RTEL1: variants seen among roughly 807,000 people sequenced by gnomAD.
RTEL1 encodes the protein regulator of telomere elongation helicase 1, also known as regulator of telomere length.
A neutral mutation model predicts 162.2 loss-of-function variants in RTEL1; 86 were observed. The ratio of observed to expected loss-of-function variants is 0.53; its 90% CI spans 0.45 to 0.63. The LOEUF (loss-of-function observed/expected upper bound fraction) is 0.63. RTEL1 is among the 30% of genes least tolerant of loss of function. RTEL1 has a pLI of 0.00. For synonymous variants in RTEL1, 958 were observed against 717.9 expected, an observed-to-expected ratio of 1.33 and a Z score of -5.35; for missense variants, 1,941 against 1,750.2, an observed-to-expected ratio of 1.11 and a Z score of -1.95.
chr20:63,672,710 C>G, intron 9 of RTEL1, 89 bp downstream of exon 9: 1 of 1,124,458 alleles, frequency 8.9e-7, no homozygotes, highest in Non-Finnish European at 1.3e-6. Flanking sequence ...GGGCTCTGGC[C>G]AAACTCCTGA....
intron 28 of RTEL1, 79 bp from the exon 29 acceptor site, chr20:63,692,726 G>C: frequency 7.1e-7 from 1 of 1,406,820 alleles, no homozygotes; most frequent in South Asian, 1.2e-5. Context: ...AACGCTCAAT[G>C]TTCCAAGGAA....
At chr20:63,691,912 C>A in intron 28 of RTEL1, 75 bp downstream of exon 28, 1 of 1,217,826 alleles carries the variant, frequency 8.2e-7, no homozygotes, top group Non-Finnish European at 1.2e-6. Context: ...TGCCCCCAGC[C>A]ACGGCTGGTC....
intron 6 of RTEL1, among the ~76,000 whole-genome samples, chr20:63,663,189 G>T (rs569120113): frequency 6.6e-6 from 1 of 152,346 alleles, no homozygotes; most frequent in Non-Finnish European, 1.5e-5. Flanking sequence ...TAACCTGCTG[G>T]TGCAAACAGT....
At chr20:63,673,792 A>G in intron 9 of RTEL1, 148 bp from the exon 10 acceptor site, 1 of 808,640 alleles carries the variant, frequency 1.2e-6, no homozygotes, top group South Asian at 1.7e-5. Context: ...GTTTGGACCT[A>G]CTTGTGGCCT....
chr20:63,685,544 T>G lies in RTEL1; in HGVS notation c.1213T>G (p.Ser405Ala), dbSNP rs1369065305. 1.2e-6 allele frequency: 2 copies of G among 1,612,392 alleles called. No individual in the cohort carries two copies. Among genetic ancestry groups the G allele is most frequent in the Non-Finnish European group, 1.7e-6 (2 of 1,179,886 alleles). Residue 405 changes from serine (S) to alanine (A), a missense_variant, in exon 15 of 35, where the codon TCC (serine) becomes GCC (alanine). Coordinates refer to ENST00000360203, the MANE Select transcript of RTEL1 (RefSeq NM_001283009.2). Reference protein sequence around the residue: ...IIQIVFSVDPSEGSPGSPAGL... With the variant: ...IIQIVFSVDPAEGSPGSPAGL... ...TCAGATTGTGTTCAGTGTGGACCCC[T>G]CCGAGGGCAGCCCTGGTTCCCCAGC...
chr20:63,669,139 T>C (rs1462521889), intron 8 of RTEL1, among the ~76,000 whole-genome samples: 1 of 152,178 alleles, frequency 6.6e-6, no homozygotes, highest in Admixed American at 6.5e-5. Flanking sequence ...TGCGCCACCA[T>C]GCCTGGCCCT....
rs2777940 is a variant in RTEL1 at position 63,688,208 on chromosome 20, C to G, written c.1636+29C>G. 0.18 allele frequency: 290,118 copies of G among 1,610,190 alleles called. 29,504 individuals carry two copies. The highest frequency in any genetic ancestry group is 0.2 in the Non-Finnish European group (240,807 of 1,179,266). On this transcript the variant is annotated intron_variant, in intron 19 of 34. Transcript: ENST00000360203. ...AGTGCCCTGAATGCCCCAGCTGTGCCCATCCTGGATCCTGGACCCCTGCTC... is the reference window on the plus strand; with the variant it reads ...AGTGCCCTGAATGCCCCAGCTGTGCGCATCCTGGATCCTGGACCCCTGCTC...
At position 63,689,605 on chromosome 20, in the gene RTEL1, A is replaced by T. The variant is rs758832096; in HGVS notation, c.1982A>T (p.Gln661Leu). The T allele has an allele frequency of 6.2e-7, 1 of 1,612,318 alleles. No homozygotes were observed. Among genetic ancestry groups the T allele is most frequent in the Non-Finnish European group, 8.5e-7 (1 of 1,179,684 alleles). ...GACCCCCGGGTTGTCCTCAAGATGCAGTTCCTGGATGAGATGAAGGGCCAG... is the reference window on the plus strand; with the variant it reads ...GACCCCCGGGTTGTCCTCAAGATGCTGTTCCTGGATGAGATGAAGGGCCAG... Reference protein sequence around the residue: ...RMDPRVVLKMQFLDEMKGQGG... With the variant: ...RMDPRVVLKMLFLDEMKGQGG... Residue 661 changes from glutamine (Q) to leucine (L), a missense_variant, in exon 23 of 35, where the codon CAG becomes CTG. Coordinates refer to ENST00000360203, the MANE Select transcript of RTEL1 (RefSeq NM_001283009.2).
intron 30 of RTEL1, among the ~76,000 whole-genome samples, chr20:63,694,101 G>A (rs1429829394): frequency 6.6e-6 from 1 of 152,054 alleles, no homozygotes; most frequent in African/African-American, 2.4e-5. Context: ...TCTGGGCTTG[G>A]TACTCACTGG....
At chr20:63,683,970 G>A (rs973912060) in intron 14 of RTEL1, among the ~76,000 whole-genome samples, 7 of 57,586 alleles carry the variant, frequency 1.2e-4, no homozygotes, top group African/African-American at 2.8e-4. Flanking sequence ...ATCCCATGCC[G>A]ACATACATAT....
chr20:63,680,807 C>T lies in RTEL1; in HGVS notation c.1191+88C>T, dbSNP rs772329317. 4.4e-6 allele frequency: 7 copies of T among 1,578,700 alleles called. No individual in the cohort carries two copies. The South Asian group carries it at 7.8e-5, about 18-fold the overall frequency. On this transcript the variant is annotated intron_variant, in intron 14 of 34. Coordinates refer to ENST00000360203, the MANE Select transcript of RTEL1 (RefSeq NM_001283009.2). The stretch of plus-strand genomic sequence containing the variant: ...GCTGTATTAGTTAACTGATTCTAGA[C>T]TTGGGGATGGGAGAAAGGCCCCTAC...
chr20:63,685,968 T>G, intron 16 of RTEL1, 96 bp downstream of exon 16: 3 of 1,206,418 alleles, frequency 2.5e-6, no homozygotes, highest in Non-Finnish European at 3.6e-6. Context: ...GTGGATCTCC[T>G]GCCCCCATGG....
chr20:63,679,838 C>A lies in RTEL1; in HGVS notation c.1038-11C>A. 1 of 1,607,052 alleles carries A rather than the reference C, an allele frequency of 6.2e-7. No homozygotes were observed. ...CCGCCAGGCTCGAGCCTGCCTTCTTCTCCTCGGCAGCTACATCTTTGAGCT... is the reference window on the plus strand; with the variant it reads ...CCGCCAGGCTCGAGCCTGCCTTCTTATCCTCGGCAGCTACATCTTTGAGCT... On this transcript the variant is annotated splice_polypyrimidine_tract_variant and intron_variant, in intron 12 of 34. Transcript: ENST00000360203.
At chr20:63,664,681 C>G (rs1486019904) in intron 6 of RTEL1, among the ~76,000 whole-genome samples, 1 of 152,240 alleles carries the variant, frequency 6.6e-6, no homozygotes, top group African/African-American at 2.4e-5. Context: ...TGCCACCGGA[C>G]AGGCTGTGAG....
intron 8 of RTEL1, among the ~76,000 whole-genome samples, chr20:63,667,824 C>A (rs536448448): frequency 5.3e-5 from 8 of 152,084 alleles, no homozygotes. Flanking sequence ...GGCCAGTGCC[C>A]GCTCTTGATC....
Position 63,691,600 on chromosome 20 carries a change from G to C in RTEL1, c.2557-142G>C. The C allele has an allele frequency of 7.5e-6, 5 of 669,786 alleles. No individual in the cohort carries two copies. The South Asian group carries it at 8.7e-5, about 12-fold the overall frequency. 41.5% of individuals were successfully genotyped at this position (669,786 alleles called of 1,614,324 possible). ...AGGACCAAGTTGTGGCACTGTCACCGGGGTGTGCTGTGCCCCCCTCCCCCG... is the reference window on the plus strand; with the variant it reads ...AGGACCAAGTTGTGGCACTGTCACCCGGGTGTGCTGTGCCCCCCTCCCCCG... On this transcript the variant is annotated intron_variant, in intron 27 of 34. Coordinates refer to ENST00000360203, the MANE Select transcript of RTEL1 (RefSeq NM_001283009.2).
At chr20:63,663,042 A>G in intron 6 of RTEL1, 153 bp downstream of exon 6, 1 of 725,000 alleles carries the variant, frequency 1.4e-6, no homozygotes, top group Non-Finnish European at 2.4e-6. Flanking sequence ...GGGGCCACCC[A>G]TGTTAGACTT....
chr20:63,661,764 C>G lies in RTEL1; in HGVS notation c.302-86C>G. 8.2e-7 allele frequency: 1 copy of G among 1,216,420 alleles called. No homozygotes were observed. The allele number at this position is 1,216,420 out of a possible 1,614,324, so 75.4% of individuals were successfully genotyped here. A position where few individuals can be genotyped will look rare whatever the true frequency, so the allele number is the denominator to read the frequency against. On this transcript the variant is annotated intron_variant, in intron 3 of 34. Coordinates refer to ENST00000360203, the MANE Select transcript of RTEL1 (RefSeq NM_001283009.2). This position sits in a 1 kb window ranked among gnomAD's most constrained non-coding sequence, Gnocchi z 5.1. ...GTCAGATTCTTGGCTGTCTGCAGGG[C>G]CGAGTTAGCCGAATGCCACCTGCCT...
Position 63,678,271 on chromosome 20 carries a change from T to A in RTEL1, c.962T>A (p.Ile321Asn). Residue 321 changes from isoleucine (I) to asparagine (N), a missense_variant, in exon 12 of 35, where the codon ATC becomes AAC. Transcript: ENST00000360203. ...GTGACACCTCCTCGACCCACAGTGA[T>A]CCTGCTGCGCCTGGAGGGGGCCATC... Reference protein sequence around the residue: ...ELEDIAKLKMILLRLEGAIDA... With the variant: ...ELEDIAKLKMNLLRLEGAIDA... 1 of 1,612,420 alleles carries A rather than the reference T, an allele frequency of 6.2e-7. No individual in the cohort carries two copies. Among genetic ancestry groups the A allele is most frequent in the South Asian group, 1.1e-5 (1 of 90,966 alleles).
Sources: gnomAD v4.1 joint callset for allele counts (sites outside exome capture counted in the v4.1 genomes callset) on GRCh38, gnomAD v4.1.1 for gene constraint, Gnocchi (gnomAD v3.1) non-coding constraint, MANE v1.5 for transcripts, NCBI Gene and HGNC (gene_info 2026-07-23, HGNC 2026-07-21) for gene names.